Variants in DNAAF11 observed in about 807,000 individuals in gnomAD.
DNAAF11 encodes the protein leucine rich repeat containing 6.
DNAAF11 carries 45 observed loss-of-function variants against 60.8 expected under a neutral mutation model. The observed-to-expected ratio is 0.74, with a 90% confidence interval of 0.58 to 0.95. DNAAF11 has a LOEUF of 0.95. Ranked by LOEUF, DNAAF11 falls within the 40% of genes least tolerant of loss-of-function variation. The probability of loss-of-function intolerance (pLI) is 0.00; values close to 1 mark genes in which losing one functional copy is unlikely to be tolerated. For missense variants in DNAAF11, 546 were observed against 546.2 expected (o/e 1.00, Z 0.00); for synonymous variants, 191 against 183.5 (o/e 1.04, Z -0.33).
chr8:132,575,831 G>A (rs996028859), intron 11 of DNAAF11, among the ~76,000 whole-genome samples: 4 of 152,094 alleles, frequency 2.6e-5, no homozygotes, highest in South Asian at 2.1e-4. Context: ...GGGAAGGAGC[G>A]GGAGTGTCTG....
At chr8:132,688,559 A>T in the DNAAF11 span, among the ~76,000 whole-genome samples, 1 of 152,200 alleles carries the variant, frequency 6.6e-6, no homozygotes, top group African/African-American at 2.4e-5. Flanking sequence ...TCAAATAATG[A>T]CAACCAATGA....
At chr8:132,696,531 T>C in the DNAAF11 span, among the ~76,000 whole-genome samples, 1 of 152,178 alleles carries the variant, frequency 6.6e-6, no homozygotes, top group African/African-American at 2.4e-5. Context: ...AATTGGTGAA[T>C]GGATAAACAA....
At chr8:132,597,142 A>C (rs969972636) in intron 10 of DNAAF11, among the ~76,000 whole-genome samples, 2 of 152,208 alleles carry the variant, frequency 1.3e-5, no homozygotes. Context: ...TCACTTGACC[A>C]GTGGAGAGCT....
rs1311558119 is a variant in DNAAF11 at position 132,657,347 on chromosome 8, C to T, written c.179-440G>A. On this transcript the variant is annotated intron_variant, in intron 2 of 11. Transcript: ENST00000620350. ...ATCTATATTCCATGCTTGGAGGGTTCTTATCTCTTTTTCCTGCTGGATGTT... is the reference window on the plus strand; with the variant it reads ...ATCTATATTCCATGCTTGGAGGGTTTTTATCTCTTTTTCCTGCTGGATGTT... Among the ~76,000 whole-genome samples, 3 of 152,172 alleles carry T rather than the reference C, an allele frequency of 2.0e-5. No homozygotes were observed. The East Asian group carries it at 5.8e-4, about 29-fold the overall frequency.
chr8:132,651,714 A>G (rs1308172203), intron 3 of DNAAF11, among the ~76,000 whole-genome samples: 1 of 152,168 alleles, frequency 6.6e-6, no homozygotes, highest in African/African-American at 2.4e-5. Flanking sequence ...CAAAATTAAC[A>G]AGCGCTGGAC....
chr8:132,611,404 T>C (rs749484620), intron 8 of DNAAF11, 41 bp from the exon 9 acceptor site: 34 of 1,228,514 alleles, frequency 2.8e-5, no homozygotes, highest in Non-Finnish European at 2.4e-6. Context: ...TTTTAAAAAA[T>C]ATCAAGTTTG....
intron 2 of DNAAF11, among the ~76,000 whole-genome samples, chr8:132,659,952 A>G (rs1250921129): frequency 6.6e-6 from 1 of 152,198 alleles, no homozygotes; most frequent in African/African-American, 2.4e-5. Flanking sequence ...AAATATCTCC[A>G]GACATTGCCA....
chr8:132,692,191 T>G, the DNAAF11 span, among the ~76,000 whole-genome samples: 1 of 145,040 alleles, frequency 6.9e-6, no homozygotes, highest in Non-Finnish European at 1.5e-5. Context: ...GACTGTTGTA[T>G]AAACTGGGGT....
At chr8:132,605,948 T>TGG (rs1564011659) in intron 10 of DNAAF11, among the ~76,000 whole-genome samples, 1 of 144,220 alleles carries the variant, frequency 6.9e-6, no homozygotes, top group African/African-American at 2.7e-5. Flanking sequence ...CATAATGGGG[T>TGG]CGGGGGGACA....
chr8:132,613,702 T>C lies in DNAAF11; in HGVS notation c.974+1336A>G, dbSNP rs1300979486. On this transcript the variant is annotated intron_variant, in intron 8 of 11. Transcript: ENST00000620350. ...TTAAGTTATGTGTATTTTACCACAA[T>C]CAAAACAGCAAAGTTGGTTGAAGTC... Among the ~76,000 whole-genome samples the C allele has an allele frequency of 2.9e-4, 44 of 152,198 alleles. 1 individual carries two copies.
the DNAAF11 span, among the ~76,000 whole-genome samples, chr8:132,700,686 C>A: frequency 1.3e-5 from 2 of 152,054 alleles, no homozygotes; most frequent in African/African-American, 2.4e-5. Flanking sequence ...AGAGGGAGAT[C>A]CTGTCTGTAA....
intron 3 of DNAAF11, among the ~76,000 whole-genome samples, chr8:132,656,032 CA>C (rs1823532619): frequency 6.6e-6 from 1 of 152,054 alleles, no homozygotes; most frequent in Non-Finnish European, 1.5e-5. Flanking sequence ...CACATGTACA[CA>C]AAGTAAAATG....
chr8:132,621,291 C>A (rs1188817631), intron 7 of DNAAF11, among the ~76,000 whole-genome samples: 1 of 152,148 alleles, frequency 6.6e-6, no homozygotes, highest in Non-Finnish European at 1.5e-5. Context: ...GCTGTCCAAG[C>A]TCAAGCTCCA....
intron 9 of DNAAF11, 138 bp from the exon 10 acceptor site, chr8:132,610,399 T>C (rs1818544896): frequency 4.9e-6 from 3 of 613,064 alleles, no homozygotes; most frequent in Non-Finnish European, 2.9e-6. Context: ...AAAATATTGA[T>C]ATGAGCTATG....
the DNAAF11 span, chr8:132,702,186 G>A: frequency 4.6e-5 from 7 of 152,150 alleles, no homozygotes; most frequent in South Asian, 2.1e-4. Flanking sequence ...AAAGCCATAC[G>A]ATCACTCCAC....
rs116397505 is a variant in DNAAF11, at chr8:132,584,346, T to C, written c.1141-567A>G. ...TTGAAGTCTCAATAAATAAAATGAT[T>C]CCATTCAACAAACATACTGCAAAAA... is the stretch of plus-strand genomic sequence containing the variant. On this transcript the variant is annotated intron_variant, in intron 10 of 11. Coordinates refer to ENST00000620350, the MANE Select transcript of DNAAF11 (RefSeq NM_012472.6). Among the ~76,000 whole-genome samples, 703 of 152,242 alleles carry C rather than the reference T, an allele frequency of 4.6e-3. 2 individuals are homozygous for C. The highest frequency in any genetic ancestry group is 0.016 in the African/African-American group (669 of 41,524).
Position 132,624,169 on chromosome 8 carries a change from A to G in DNAAF11, c.836+1103T>C, listed in dbSNP as rs1820028879. 1.3e-5 allele frequency among the ~76,000 whole-genome samples: 2 copies of G among 152,202 alleles called. 1 individual carries two copies. Among genetic ancestry groups the G allele is most frequent in the South Asian group, 4.1e-4 (2 of 4,826 alleles). On this transcript the variant is annotated intron_variant, in intron 6 of 11. Coordinates refer to ENST00000620350, the MANE Select transcript of DNAAF11 (RefSeq NM_012472.6). ...GTAAGAAATAGTTCACATTCTATAA[A>G]CATGTAGAACTTCCATTTCAAAGGG...
intron 3 of DNAAF11, among the ~76,000 whole-genome samples, chr8:132,649,912 T>C (rs1469603451): frequency 6.6e-6 from 1 of 152,212 alleles, no homozygotes; most frequent in Admixed American, 6.5e-5. Flanking sequence ...ACTTCTACAC[T>C]GTTAGTGGGA....
At chr8:132,663,490 A>C (rs1824330830) in intron 1 of DNAAF11, among the ~76,000 whole-genome samples, 1 of 152,244 alleles carries the variant, frequency 6.6e-6, no homozygotes, top group Admixed American at 6.5e-5. Flanking sequence ...ACATGGGTCA[A>C]GGGGTTGAGA....
Sources: allele counts gnomAD v4.1 joint callset (sites outside exome capture counted in the v4.1 genomes callset), GRCh38; gene constraint gnomAD v4.1.1; transcripts MANE v1.5; gene names NCBI Gene and HGNC (gene_info 2026-07-23, HGNC 2026-07-21).